The following AATF variants were observed in gnomAD, a reference collection of about 807,000 sequenced individuals.
AATF encodes the protein protein AATF.
In AATF, 48 loss-of-function variants were observed where a neutral mutation model predicts 63.7. The observed-to-expected ratio is 0.75, with a 90% CI of 0.60 to 0.96. AATF has a LOEUF of 0.96. AATF is among the 40% of genes least tolerant of loss of function. The pLI is 0.00. For missense variants in AATF, 639 were observed against 685.7 expected (o/e 0.93, Z 0.76); for synonymous variants, 258 against 247.7 (o/e 1.04, Z -0.39).
chr17:37,021,050 T>C, intron 10 of AATF, 36 bp downstream of exon 10: 1 of 1,431,140 alleles, frequency 7.0e-7, no homozygotes, highest in Non-Finnish European at 9.7e-7. Flanking sequence ...CAACATATAT[T>C]GTATATGTAT....
chr17:37,028,432 C>CA (rs1263723788), intron 10 of AATF, among the ~76,000 whole-genome samples: 2 of 151,612 alleles, frequency 1.3e-5, no homozygotes, highest in Non-Finnish European at 2.9e-5. Context: ...GACCCTATCT[C>CA]AAAAAAACAA....
chr17:36,976,266 T>C (rs1301409468), intron 4 of AATF, among the ~76,000 whole-genome samples: 1 of 152,228 alleles, frequency 6.6e-6, no homozygotes, highest in Non-Finnish European at 1.5e-5. Context: ...CTTATAGTAG[T>C]GTTTCAATTT....
chr17:36,972,198 A>C (rs2071044874), intron 4 of AATF, among the ~76,000 whole-genome samples: 1 of 152,164 alleles, frequency 6.6e-6, no homozygotes, highest in African/African-American at 2.4e-5. Context: ...TTTTGCTTGA[A>C]ATATATATCC....
rs777530403 is a variant in AATF, at chr17:36,953,090, G to T, written c.488G>T (p.Gly163Val). 7 of 1,614,030 alleles carry T rather than the reference G, an allele frequency of 4.3e-6. No individual in the cohort carries two copies. In the East Asian group the frequency reaches 8.9e-5, roughly 21 times the overall value. The change falls in exon 3 of 12, where the codon GGA becomes GTA. Residue 163 changes from glycine to valine, a missense_variant. Transcript: ENST00000619387. Reference protein sequence around the residue: ...SISDFEKFTKGMDDLGSSEEE... With the variant: ...SISDFEKFTKVMDDLGSSEEE... ...AGTGACTTTGAGAAATTTACCAAGGGAATGGATGACCTTGGGAGCAGTGAG... is the reference window on the plus strand; with the variant it reads ...AGTGACTTTGAGAAATTTACCAAGGTAATGGATGACCTTGGGAGCAGTGAG...
chr17:36,975,502 TA>T (rs1354538615), intron 4 of AATF, among the ~76,000 whole-genome samples: 1 of 152,232 alleles, frequency 6.6e-6, no homozygotes, highest in Non-Finnish European at 1.5e-5. Context: ...AGTTCCATTT[TA>T]TACTAATCCT....
At chr17:36,964,133 G>A (rs1011912043) in intron 4 of AATF, among the ~76,000 whole-genome samples, 2 of 151,312 alleles carry the variant, frequency 1.3e-5, no homozygotes, top group Non-Finnish European at 2.9e-5. Context: ...ATGGGGCATT[G>A]GATGGTGAAG....
At chr17:36,963,544 A>G (rs929591122) in intron 4 of AATF, among the ~76,000 whole-genome samples, 4 of 152,252 alleles carry the variant, frequency 2.6e-5, no homozygotes, top group Non-Finnish European at 5.9e-5. Flanking sequence ...ACTGCTGCAT[A>G]AGATGATACT....
At chr17:36,966,447 T>C (rs974914636) in intron 4 of AATF, among the ~76,000 whole-genome samples, 1 of 151,290 alleles carries the variant, frequency 6.6e-6, no homozygotes, top group Non-Finnish European at 1.5e-5. Context: ...AAAAAATTTC[T>C]GGTAGAGATG....
chr17:37,019,000 C>G lies in AATF; in HGVS notation c.1399-5C>G, dbSNP rs1336506761. On this transcript the variant is annotated splice_polypyrimidine_tract_variant and splice_region_variant and intron_variant, in intron 8 of 11. Coordinates refer to ENST00000619387, the MANE Select transcript of AATF (RefSeq NM_012138.4). ...ATAAATTCGTTGCTTTCCTTTTTCC[C>G]CTAGCTCCTTCGAGAACTCATAGAA... 1 of 1,613,616 alleles carries G rather than the reference C, an allele frequency of 6.2e-7. No individual in the cohort carries two copies. Among genetic ancestry groups the G allele is most frequent in the Admixed American group, 1.7e-5 (1 of 59,994 alleles).
intron 11 of AATF, chr17:37,054,911 T>C (rs1303109064): frequency 6.6e-6 from 1 of 152,246 alleles, no homozygotes; most frequent in Non-Finnish European, 1.5e-5. Flanking sequence ...TTGTCTTTAC[T>C]GGCAAATAGG....
intron 8 of AATF, among the ~76,000 whole-genome samples, chr17:37,018,502 C>T (rs929761009): frequency 3.9e-5 from 6 of 152,184 alleles, no homozygotes; most frequent in African/African-American, 1.4e-4. Context: ...AACAAGAGGC[C>T]GATGCCCACA....
chr17:37,023,361 T>C (rs192078746), intron 10 of AATF, among the ~76,000 whole-genome samples: 5 of 152,348 alleles, frequency 3.3e-5, no homozygotes, highest in East Asian at 3.9e-4. Flanking sequence ...TTTATATTAA[T>C]GAATTCAACT....
chr17:37,034,935 C>G (rs954023019), intron 11 of AATF: 15 of 151,880 alleles, frequency 9.9e-5, no homozygotes, highest in Admixed American at 6.6e-4. Context: ...ACCATCCTGG[C>G]TAACACGGTG....
At position 37,056,767 on chromosome 17, in the gene AATF, C is replaced by T; in HGVS notation, c.*103C>T. ...ATGGGGCTGAGCTAGTAGGGAAGCC[C>T]CTGGAAAGATGCTGCGTTCCGAACC... On this transcript the variant is annotated 3_prime_UTR_variant, in exon 12 of 12. Coordinates refer to ENST00000619387, the MANE Select transcript of AATF (RefSeq NM_012138.4). 1 of 1,304,420 alleles carries T rather than the reference C, an allele frequency of 7.7e-7. No individual in the cohort carries two copies. Among genetic ancestry groups the T allele is most frequent in the East Asian group, 2.4e-5 (1 of 42,476 alleles). The allele number at this position is 1,304,420 out of a possible 1,614,324, so 80.8% of individuals were successfully genotyped here. A position where few individuals can be genotyped will look rare whatever the true frequency, so the allele number is the denominator to read the frequency against.
intron 11 of AATF, among the ~76,000 whole-genome samples, chr17:37,041,529 G>A (rs934439116): frequency 9.9e-5 from 15 of 151,318 alleles, no homozygotes; most frequent in Admixed American, 3.3e-4. Context: ...TTTTTGAGAC[G>A]GAGTCTTGCC....
chr17:37,002,683 A>AT (rs2071310039), intron 8 of AATF, among the ~76,000 whole-genome samples: 1 of 151,922 alleles, frequency 6.6e-6, no homozygotes, highest in Admixed American at 6.6e-5. Context: ...AAAAAAAAAA[A>AT]GCATCTAAAA....
intron 10 of AATF, among the ~76,000 whole-genome samples, chr17:37,025,442 T>C (rs2071503869): frequency 6.6e-6 from 1 of 152,060 alleles, no homozygotes; most frequent in African/African-American, 2.4e-5. Context: ...TCAACATACG[T>C]GAGCTAGAGT....
intron 11 of AATF, among the ~76,000 whole-genome samples, chr17:37,037,010 G>GTTTTT (rs374106722): frequency 0.013 from 1,773 of 133,402 alleles, 48 homozygotes; most frequent in African/African-American, 0.046. Flanking sequence ...TCATCTTTTT[G>GTTTTT]TTTTTTTTTT....
chr17:37,032,840 C>G (rs1023853184), intron 11 of AATF, among the ~76,000 whole-genome samples: 5 of 151,926 alleles, frequency 3.3e-5, no homozygotes, highest in Admixed American at 6.6e-5. Context: ...TTTATTTAGC[C>G]ATTCACTGAT....
Sources: gnomAD v4.1 joint callset for allele counts (sites outside exome capture counted in the v4.1 genomes callset) on GRCh38, gnomAD v4.1.1 for gene constraint, MANE v1.5 for transcripts, NCBI Gene and HGNC (gene_info 2026-07-23, HGNC 2026-07-21) for gene names.